Variants in ZCCHC14 observed in about 807,000 individuals in gnomAD.
ZCCHC14 encodes the protein zinc finger CCHC domain-containing protein 14.
Under a neutral mutation model 85.0 loss-of-function variants are expected in ZCCHC14, and 16 were observed. The ratio of observed to expected loss-of-function variants is 0.19; its 90% confidence interval spans 0.13 to 0.29. ZCCHC14 has a LOEUF of 0.29. ZCCHC14 is among the 10% of genes least tolerant of loss of function. The pLI is 1.00. For synonymous variants in ZCCHC14, 775 were observed against 630.7 expected, an observed-to-expected ratio of 1.23 and a Z score of -3.43; for missense variants, 1,303 against 1,443.5, an observed-to-expected ratio of 0.90 and a Z score of 1.58.
Position 87,413,045 on chromosome 16 carries a change from G to C in ZCCHC14, c.1744+10C>G, listed in dbSNP as rs756244450. On this transcript the variant is annotated intron_variant, in intron 11 of 12. Coordinates refer to ENST00000671377, the MANE Select transcript of ZCCHC14 (RefSeq NM_015144.3). ...GCCAGGTCGAGCCAGCGCCGCGCAC[G>C]TGCCCTTACGTCTGTCATTCTCCTC... 1 of 1,614,002 alleles carries C rather than the reference G, an allele frequency of 6.2e-7. No individual in the cohort carries two copies. Among genetic ancestry groups the C allele is most frequent in the African/African-American group, 1.3e-5 (1 of 74,926 alleles).
rs772890234 is a variant in ZCCHC14, at chr16:87,411,890, G to C, written c.2831C>G (p.Ala944Gly). The C allele has an allele frequency of 6.3e-7, 1 of 1,597,870 alleles. No homozygotes were observed. The highest frequency in any genetic ancestry group is 1.1e-5 in the South Asian group (1 of 89,406). Residue 944 changes from alanine (A) to glycine (G), a missense_variant, in exon 12 of 13, where the codon GCC becomes GGC. Physicochemically the swap from Ala to Gly is moderately conservative, Grantham distance 60. Coordinates refer to ENST00000671377, the MANE Select transcript of ZCCHC14 (RefSeq NM_015144.3). ...GGAGAACGGGTGCTGGAAGTAGTTG[G>C]CGTAGCTGACAGTCAGGCCACTCGA... Reference protein sequence around the residue: ...CGSSGLTVSYANYFQHPFSGP... With the variant: ...CGSSGLTVSYGNYFQHPFSGP...
chr16:87,410,134 C>T lies in ZCCHC14; in HGVS notation c.*146G>A, dbSNP rs1314526795. On this transcript the variant is annotated 3_prime_UTR_variant, in exon 13 of 13. Coordinates refer to ENST00000671377, the MANE Select transcript of ZCCHC14 (RefSeq NM_015144.3). ...ATAAATCGAGTTTGATGCACTTCTACGCTAGATTTTCTATCCAGTCTAGGA... is the reference window on the plus strand; with the variant it reads ...ATAAATCGAGTTTGATGCACTTCTATGCTAGATTTTCTATCCAGTCTAGGA... 25 of 546,226 alleles carry T rather than the reference C, an allele frequency of 4.6e-5. No individual in the cohort carries two copies. Among genetic ancestry groups the T allele is most frequent in the Admixed American group, 1.2e-4 (4 of 32,730 alleles). The allele number at this position is 546,226 out of a possible 1,614,324, so 33.8% of individuals were successfully genotyped here.
At chr16:87,434,073 C>T (rs1222232326) in intron 2 of ZCCHC14, among the ~76,000 whole-genome samples, 1 of 152,198 alleles carries the variant, frequency 6.6e-6, no homozygotes, top group African/African-American at 2.4e-5. Flanking sequence ...GTGAATGAAG[C>T]TGCACGGGAT....
intron 1 of ZCCHC14, chr16:87,473,546 T>G (rs1911871292): frequency 6.6e-6 from 1 of 152,256 alleles, no homozygotes; most frequent in African/African-American, 2.4e-5. Flanking sequence ...ACACACAATA[T>G]TGTTATTGTG....
intron 2 of ZCCHC14, among the ~76,000 whole-genome samples, chr16:87,451,997 G>T (rs1234279661): frequency 6.6e-6 from 1 of 152,258 alleles, no homozygotes; most frequent in Non-Finnish European, 1.5e-5. Context: ...CACGGGGCTG[G>T]GCAAGTGTGG....
chr16:87,492,340 G>A lies in ZCCHC14; in HGVS notation c.-102C>T. The A allele has an allele frequency of 3.1e-6, 1 of 317,502 alleles. No homozygotes were observed. The highest frequency in any genetic ancestry group is 4.5e-6 in the Non-Finnish European group (1 of 223,550). The allele number at this position is 317,502 out of a possible 1,614,324, so 19.7% of individuals were successfully genotyped here. A position where few individuals can be genotyped will look rare whatever the true frequency, so the allele number is the denominator to read the frequency against. ...CGGGGCGCGCCGGGACCGGGGACGC[G>A]CGGGCCGGGGCCGGGTCCGGGCGAG... is the stretch of plus-strand genomic sequence containing the variant. On this transcript the variant is annotated 5_prime_UTR_variant, in exon 1 of 13. Coordinates refer to ENST00000671377, the MANE Select transcript of ZCCHC14 (RefSeq NM_015144.3). This position sits in a 1 kb window ranked among gnomAD's most constrained non-coding sequence, Gnocchi z 6.7.
intron 1 of ZCCHC14, chr16:87,470,700 G>A (rs369597740): frequency 3.3e-5 from 5 of 152,194 alleles, no homozygotes; most frequent in African/African-American, 9.6e-5. Flanking sequence ...GAAATAGGTC[G>A]CTAAATGTGT....
intron 2 of ZCCHC14, among the ~76,000 whole-genome samples, chr16:87,434,043 G>C (rs77787571): frequency 0.018 from 2,744 of 152,302 alleles, 27 homozygotes; most frequent in Middle Eastern, 0.044. Flanking sequence ...AGCACCGTCT[G>C]GGAGCAGAGC....
intron 3 of ZCCHC14, among the ~76,000 whole-genome samples, chr16:87,430,059 C>T (rs1335187571): frequency 1.3e-5 from 2 of 152,182 alleles, no homozygotes; most frequent in African/African-American, 4.8e-5. Flanking sequence ...AGTTTCAAAT[C>T]TTAATATATT....
chr16:87,450,901 CCTTTT>C (rs1293981117), intron 2 of ZCCHC14, among the ~76,000 whole-genome samples: 1 of 151,050 alleles, frequency 6.6e-6, no homozygotes, highest in Non-Finnish European at 1.5e-5. Flanking sequence ...AACACCTTTT[CCTTTT>C]CTTTTTTTTG....
intron 2 of ZCCHC14, among the ~76,000 whole-genome samples, chr16:87,445,069 A>G (rs992637241): frequency 6.7e-5 from 7 of 104,016 alleles, no homozygotes; most frequent in Non-Finnish European, 1.6e-4. Flanking sequence ...TTCAAAATAA[A>G]CTTTTTTTTT....
intron 1 of ZCCHC14, among the ~76,000 whole-genome samples, chr16:87,486,577 G>C (rs1347438831): frequency 6.6e-6 from 1 of 152,214 alleles, no homozygotes; most frequent in African/African-American, 2.4e-5. Context: ...AGCAGCACAT[G>C]ACTGTATGCC....
At chr16:87,410,612 C>T (rs1339175378) in intron 12 of ZCCHC14, among the ~76,000 whole-genome samples, 1 of 152,248 alleles carries the variant, frequency 6.6e-6, no homozygotes, top group East Asian at 1.9e-4. Context: ...ACACGTCAGG[C>T]GGGCTGCTCT....
At chr16:87,457,673 C>A (rs776921635) in intron 2 of ZCCHC14, among the ~76,000 whole-genome samples, 34 of 152,162 alleles carry the variant, frequency 2.2e-4, no homozygotes, top group Admixed American at 5.2e-4. Flanking sequence ...CAGAGAAAAA[C>A]CAAAACAGAA....
chr16:87,410,447 T>C, intron 12 of ZCCHC14, 112 bp from the exon 13 acceptor site: 1 of 564,596 alleles, frequency 1.8e-6, no homozygotes, highest in Non-Finnish European at 3.2e-6. Flanking sequence ...GTGCTGGAAA[T>C]CTAGGCCACC....
At chr16:87,425,903 C>T (rs1909345895) in intron 3 of ZCCHC14, among the ~76,000 whole-genome samples, 1 of 152,224 alleles carries the variant, frequency 6.6e-6, no homozygotes, top group Non-Finnish European at 1.5e-5. Context: ...TCCACCACCC[C>T]AGCGATTAAA....
intron 2 of ZCCHC14, among the ~76,000 whole-genome samples, chr16:87,456,005 C>T (rs1910939317): frequency 6.6e-6 from 1 of 152,148 alleles, no homozygotes; most frequent in African/African-American, 2.4e-5. Flanking sequence ...ACTTGCAGCC[C>T]CCACTGTAAG....
At chr16:87,488,130 C>T (rs754328321) in intron 1 of ZCCHC14, among the ~76,000 whole-genome samples, 17 of 152,170 alleles carry the variant, frequency 1.1e-4, no homozygotes, top group Non-Finnish European at 2.4e-4. Flanking sequence ...TATGAATTCT[C>T]TTTCAATAAA....
intron 2 of ZCCHC14, among the ~76,000 whole-genome samples, chr16:87,450,136 T>G (rs1379727904): frequency 2.6e-5 from 4 of 152,200 alleles, no homozygotes; most frequent in African/African-American, 7.2e-5. Flanking sequence ...TCTTCACACT[T>G]GAACTAAGAG....
Sources: allele counts gnomAD v4.1 joint callset (sites outside exome capture counted in the v4.1 genomes callset), GRCh38; gene constraint gnomAD v4.1.1; non-coding constraint Gnocchi (gnomAD v3.1); transcripts MANE v1.5; gene names NCBI Gene and HGNC (gene_info 2026-07-23, HGNC 2026-07-21).